Variants in TPD52L1 observed in about 807,000 individuals in gnomAD.
The protein encoded by TPD52L1 is TPD52 like 1.
In TPD52L1, 18 loss-of-function variants were observed where a neutral mutation model predicts 28.7. The ratio of observed to expected loss-of-function variants is 0.63; its 90% CI spans 0.43 to 0.93. The LOEUF (loss-of-function observed/expected upper bound fraction) is 0.93. Ranked by LOEUF, TPD52L1 falls within the 40% of genes least tolerant of loss-of-function variation. The pLI is 0.00. For missense variants in TPD52L1, 203 were observed against 254.8 expected, an observed-to-expected ratio of 0.80 and a Z score of 1.39; for synonymous variants, 75 against 88.8, an observed-to-expected ratio of 0.84 and a Z score of 0.88.
intron 1 of TPD52L1, among the ~76,000 whole-genome samples, chr6:125,159,003 G>A (rs1790330773): frequency 6.6e-6 from 1 of 151,922 alleles, no homozygotes; most frequent in Non-Finnish European, 1.5e-5. Flanking sequence ...AGTGGTAAGT[G>A]TTTTACTGGT....
chr6:125,236,401 T>C (rs925849615), intron 3 of TPD52L1, among the ~76,000 whole-genome samples: 3 of 152,204 alleles, frequency 2.0e-5, no homozygotes, highest in African/African-American at 7.2e-5. Context: ...TAAAACACAA[T>C]GTAGCTATCA....
intron 6 of TPD52L1, among the ~76,000 whole-genome samples, chr6:125,258,359 G>A (rs942456672): frequency 9.2e-5 from 14 of 152,154 alleles, no homozygotes; most frequent in African/African-American, 3.1e-4. Flanking sequence ...AATGGGAGCC[G>A]TTAAACAGCC....
At chr6:125,237,716 T>C (rs1036504212) in intron 3 of TPD52L1, among the ~76,000 whole-genome samples, 1 of 152,196 alleles carries the variant, frequency 6.6e-6, no homozygotes, top group Non-Finnish European at 1.5e-5. Context: ...CAATTTCAGC[T>C]CACTGCAGCC....
chr6:125,172,346 G>C (rs1469684946), intron 1 of TPD52L1, among the ~76,000 whole-genome samples: 3 of 138,606 alleles, frequency 2.2e-5, no homozygotes, highest in Non-Finnish European at 4.6e-5. Context: ...CCAGACTAGA[G>C]TGCAGTGGTG....
Position 125,176,838 on chromosome 6 carries a change from A to G in TPD52L1, c.19+22868A>G, listed in dbSNP as rs191996489. Among the ~76,000 whole-genome samples the G allele has an allele frequency of 9.9e-5, 15 of 152,192 alleles. No homozygotes were observed. The East Asian group carries it at 2.3e-3, about 24-fold the overall frequency. ...GATCACTTGAGCCCAGAAGTTCGAGACCAGCCTGGGCAATGTGGTGAAACC... is the reference window on the plus strand; with the variant it reads ...GATCACTTGAGCCCAGAAGTTCGAGGCCAGCCTGGGCAATGTGGTGAAACC... On this transcript the variant is annotated intron_variant, in intron 1 of 6. Transcript: ENST00000534000.
At chr6:125,155,461 G>A (rs556534401) in intron 1 of TPD52L1, among the ~76,000 whole-genome samples, 1 of 152,334 alleles carries the variant, frequency 6.6e-6, no homozygotes, top group Non-Finnish European at 1.5e-5. Flanking sequence ...CGAAACTACA[G>A]ACTGGTAACC....
chr6:125,246,306 C>G (rs1796922203), intron 3 of TPD52L1, among the ~76,000 whole-genome samples: 1 of 152,142 alleles, frequency 6.6e-6, no homozygotes, highest in Non-Finnish European at 1.5e-5. Flanking sequence ...TCTAGGAACT[C>G]AGTTTTTCAC....
Position 125,263,079 on chromosome 6 carries a change from G to A in TPD52L1, c.*117G>A. ...TGGGAAAAACCCAGGCCTTGACATTGTTATTCAAATGGCCCCTCCAGAAAG... is the reference window on the plus strand; with the variant it reads ...TGGGAAAAACCCAGGCCTTGACATTATTATTCAAATGGCCCCTCCAGAAAG... On this transcript the variant is annotated 3_prime_UTR_variant, in exon 7 of 7. Coordinates refer to ENST00000534000, the MANE Select transcript of TPD52L1 (RefSeq NM_003287.4). 2 of 1,294,186 alleles carry A rather than the reference G, an allele frequency of 1.5e-6. No individual in the cohort carries two copies. Among genetic ancestry groups the A allele is most frequent in the Non-Finnish European group, 2.1e-6 (2 of 974,370 alleles). The allele number at this position is 1,294,186 out of a possible 1,614,324, so 80.2% of individuals were successfully genotyped here. A position where few individuals can be genotyped will look rare whatever the true frequency, so the allele number is the denominator to read the frequency against.
intron 1 of TPD52L1, among the ~76,000 whole-genome samples, chr6:125,210,995 A>G (rs1794456115): frequency 6.6e-6 from 1 of 152,228 alleles, no homozygotes; most frequent in African/African-American, 2.4e-5. Context: ...TAAGCAAAAT[A>G]TCGGGATGAA....
chr6:125,185,040 C>T (rs1268078798), intron 1 of TPD52L1, among the ~76,000 whole-genome samples: 1 of 151,930 alleles, frequency 6.6e-6, no homozygotes, highest in Non-Finnish European at 1.5e-5. Flanking sequence ...AGACAAAGAG[C>T]AAACAAAATA....
intron 1 of TPD52L1, among the ~76,000 whole-genome samples, chr6:125,186,868 C>T (rs1338944898): frequency 1.3e-5 from 2 of 151,856 alleles, no homozygotes; most frequent in East Asian, 3.9e-4. Context: ...TAAATATTCA[C>T]AGAAAAATGA....
Position 125,259,552 on chromosome 6 carries a change from G to A in TPD52L1, c.486+2394G>A, listed in dbSNP as rs1797793898. Among the ~76,000 whole-genome samples the A allele has an allele frequency of 2.6e-5, 4 of 152,284 alleles. No individual in the cohort carries two copies. In the South Asian group the frequency reaches 6.2e-4, roughly 24 times the overall value. Reference sequence around the variant, plus strand: ...CAAAACAAACAAGTAAATGCAGAACGAACTCCTGTGAAGCCACTTTTGGTA... The same window carrying A: ...CAAAACAAACAAGTAAATGCAGAACAAACTCCTGTGAAGCCACTTTTGGTA... On this transcript the variant is annotated intron_variant, in intron 6 of 6. Transcript: ENST00000534000.
At chr6:125,177,654 T>C (rs1168266932) in intron 1 of TPD52L1, among the ~76,000 whole-genome samples, 2 of 152,222 alleles carry the variant, frequency 1.3e-5, no homozygotes, top group East Asian at 3.8e-4. Flanking sequence ...ATATGTCTTA[T>C]TGAAGAGACT....
intron 1 of TPD52L1, among the ~76,000 whole-genome samples, chr6:125,185,380 C>T (rs569310389): frequency 5.3e-5 from 8 of 152,106 alleles, no homozygotes; most frequent in Non-Finnish European, 1.2e-4. Context: ...AAAAATTAGT[C>T]AAGTACTTGG....
intron 3 of TPD52L1, among the ~76,000 whole-genome samples, chr6:125,232,790 C>T (rs1222419733): frequency 6.6e-6 from 1 of 152,052 alleles, no homozygotes; most frequent in Non-Finnish European, 1.5e-5. Flanking sequence ...TCCAGGAATA[C>T]AGGAAAAGGT....
chr6:125,230,874 A>G (rs761008190), intron 3 of TPD52L1, among the ~76,000 whole-genome samples: 14 of 152,354 alleles, frequency 9.2e-5, no homozygotes, highest in Middle Eastern at 6.8e-3. Flanking sequence ...GTTAACCAAC[A>G]TTCCCCAACC....
chr6:125,254,175 A>G (rs1363924497), intron 5 of TPD52L1, among the ~76,000 whole-genome samples: 3 of 152,252 alleles, frequency 2.0e-5, no homozygotes, highest in African/African-American at 7.2e-5. Context: ...GTTTAAATGC[A>G]AGGCTAAAGT....
chr6:125,204,520 C>G (rs774624954), intron 1 of TPD52L1, among the ~76,000 whole-genome samples: 1 of 152,002 alleles, frequency 6.6e-6, no homozygotes, highest in African/African-American at 2.4e-5. Context: ...CACTCTGTCG[C>G]CCAGGCTGGA....
At chr6:125,247,224 T>C (rs1344663557) in intron 3 of TPD52L1, among the ~76,000 whole-genome samples, 1 of 152,114 alleles carries the variant, frequency 6.6e-6, no homozygotes, top group Non-Finnish European at 1.5e-5. Flanking sequence ...TTGGGAGAAC[T>C]TACCTGGGAG....
Sources: allele counts gnomAD v4.1 joint callset (sites outside exome capture counted in the v4.1 genomes callset), GRCh38; gene constraint gnomAD v4.1.1; transcripts MANE v1.5; gene names NCBI Gene and HGNC (gene_info 2026-07-23, HGNC 2026-07-21).